Variants in ATF7IP observed in about 807,000 individuals in gnomAD.
ATF7IP encodes the protein activating transcription factor 7-interacting protein 1.
In ATF7IP, 23 loss-of-function variants were observed where a neutral mutation model predicts 106.4. The observed-to-expected ratio is 0.22, with a 90% CI of 0.16 to 0.31. ATF7IP has a LOEUF of 0.31. Ranked by LOEUF, ATF7IP falls within the 10% of genes least tolerant of loss-of-function variation. The pLI is 1.00. For missense variants in ATF7IP, 1,334 were observed against 1,524.3 expected, an observed-to-expected ratio of 0.88 and a Z score of 2.08; for synonymous variants, 542 against 539.0, an observed-to-expected ratio of 1.01 and a Z score of -0.08.
chr12:14,435,375 CACAT>C (rs1276206012), intron 3 of ATF7IP, among the ~76,000 whole-genome samples: 5 of 152,038 alleles, frequency 3.3e-5, no homozygotes, highest in East Asian at 1.9e-4. Flanking sequence ...TAGATACAGA[CACAT>C]ACAGAGGGAT....
At chr12:14,456,466 T>G (rs904318408) in intron 6 of ATF7IP, 95 bp from the exon 7 acceptor site, 1 of 764,614 alleles carries the variant, frequency 1.3e-6, no homozygotes. Flanking sequence ...CAGTGACAGA[T>G]AATATATTGA....
intron 1 of ATF7IP, among the ~76,000 whole-genome samples, chr12:14,405,348 G>A (rs187636188): frequency 4.0e-3 from 595 of 149,196 alleles, no homozygotes; most frequent in Non-Finnish European, 6.1e-3. Flanking sequence ...GTACAAAGAG[G>A]AATTTGAATT....
At chr12:14,483,211 C>T (rs1198139820) in intron 13 of ATF7IP, among the ~76,000 whole-genome samples, 3 of 152,154 alleles carry the variant, frequency 2.0e-5, no homozygotes, top group Non-Finnish European at 4.4e-5. Context: ...TGACCCAAAC[C>T]TTCATTCTTG....
intron 1 of ATF7IP, among the ~76,000 whole-genome samples, chr12:14,391,100 G>A (rs1170130972): frequency 6.6e-6 from 1 of 152,224 alleles, no homozygotes; most frequent in East Asian, 1.9e-4. Context: ...AAAGCCTAAT[G>A]TCTATTCAAA....
At chr12:14,493,929 A>G (rs572442564) in intron 13 of ATF7IP, among the ~76,000 whole-genome samples, 103 of 151,766 alleles carry the variant, frequency 6.8e-4, no homozygotes, top group African/African-American at 2.4e-3. Context: ...CACTTTTTCC[A>G]CTGCACTTAG....
chr12:14,446,923 T>C, intron 5 of ATF7IP, 65 bp from the exon 6 acceptor site: 1 of 1,198,020 alleles, frequency 8.3e-7, no homozygotes, highest in Non-Finnish European at 1.1e-6. Context: ...TATTCATGGT[T>C]TTTTTTTTTA....
At chr12:14,494,330 T>TAC (rs1944934776) in intron 13 of ATF7IP, among the ~76,000 whole-genome samples, 1 of 115,020 alleles carries the variant, frequency 8.7e-6, no homozygotes. Context: ...TATATATATA[T>TAC]ATATGTGTGT....
At chr12:14,385,559 A>G (rs1307442559) in intron 1 of ATF7IP, among the ~76,000 whole-genome samples, 1 of 152,198 alleles carries the variant, frequency 6.6e-6, no homozygotes, top group Non-Finnish European at 1.5e-5. Flanking sequence ...GAAACAGTAC[A>G]TAGCATGGTG....
intron 9 of ATF7IP, among the ~76,000 whole-genome samples, chr12:14,462,176 AGT>A (rs148834002): frequency 4.9e-4 from 75 of 152,220 alleles, no homozygotes; most frequent in African/African-American, 1.7e-3. Context: ...TTTATATGAA[AGT>A]GTAATTATTA....
At chr12:14,473,288 C>CTGTATGTGTGTGTGTGTGTGTG (rs796814505) in intron 10 of ATF7IP, among the ~76,000 whole-genome samples, 2 of 140,350 alleles carry the variant, frequency 1.4e-5, no homozygotes, top group Non-Finnish European at 3.1e-5. Context: ...CTCTCTCTCT[C>CTGTATGTGTGTGTGTGTGTGTG]TCTGTGTGTG....
chr12:14,478,199 C>T, intron 11 of ATF7IP, 118 bp from the exon 12 acceptor site: 2 of 892,732 alleles, frequency 2.2e-6, no homozygotes, highest in Admixed American at 2.2e-5. Flanking sequence ...AAATTATTCT[C>T]TTAGAGGTAA....
At position 14,478,796 on chromosome 12, in the gene ATF7IP, C is replaced by T. The variant is rs566070975; in HGVS notation, c.3097+324C>T. ...TATTTAGAAACTGTAAACCATATTC[C>T]TAGTTATTCTGCAGTGTTAACAGGT... On this transcript the variant is annotated intron_variant, in intron 12 of 14. Coordinates refer to ENST00000261168, the MANE Select transcript of ATF7IP (RefSeq NM_018179.5). Among the ~76,000 whole-genome samples, 13 of 152,092 alleles carry T rather than the reference C, an allele frequency of 8.5e-5. No individual in the cohort carries two copies. The South Asian group carries it at 2.5e-3, about 29-fold the overall frequency.
Position 14,476,146 on chromosome 12 carries a change from C to T in ATF7IP, c.2941+178C>T. ...AAATTTGGCCAGGTGCAGTGTCTCACACCTGTAATCCCAGTGCTTTGGGAG... is the reference window on the plus strand; with the variant it reads ...AAATTTGGCCAGGTGCAGTGTCTCATACCTGTAATCCCAGTGCTTTGGGAG... On this transcript the variant is annotated intron_variant, in intron 11 of 14. Coordinates refer to ENST00000261168, the MANE Select transcript of ATF7IP (RefSeq NM_018179.5). 9.5e-6 allele frequency: 5 copies of T among 526,542 alleles called. No homozygotes were observed. The Admixed American group carries it at 1.4e-4, about 14-fold the overall frequency. The allele number at this position is 526,542 out of a possible 1,614,324, so 32.6% of individuals were successfully genotyped here.
intron 9 of ATF7IP, chr12:14,466,057 CAAAG>C (rs1016083183): frequency 4.6e-5 from 7 of 152,416 alleles, no homozygotes; most frequent in African/African-American, 1.7e-4. Context: ...GAAAAATGAA[CAAAG>C]AAAGAAAAAT....
chr12:14,442,046 C>A (rs546078806), intron 5 of ATF7IP, among the ~76,000 whole-genome samples: 2 of 152,126 alleles, frequency 1.3e-5, no homozygotes, highest in African/African-American at 4.8e-5. Context: ...GGAAAAACTT[C>A]TGCAATTTTA....
intron 5 of ATF7IP, among the ~76,000 whole-genome samples, chr12:14,442,772 A>G (rs1942770400): frequency 6.6e-6 from 1 of 152,222 alleles, no homozygotes; most frequent in Admixed American, 6.5e-5. Context: ...CTGCACAAGG[A>G]TTAGAAAAGG....
intron 1 of ATF7IP, among the ~76,000 whole-genome samples, chr12:14,374,767 A>G (rs1938666543): frequency 6.6e-6 from 1 of 152,170 alleles, no homozygotes; most frequent in East Asian, 1.9e-4. Context: ...TTTTGTGAAT[A>G]AAAGTCATAG....
intron 1 of ATF7IP, among the ~76,000 whole-genome samples, chr12:14,421,328 T>A (rs1565495490): frequency 6.6e-6 from 1 of 152,186 alleles, no homozygotes; most frequent in Non-Finnish European, 1.5e-5. Context: ...TTAAATAGCT[T>A]GATTTGTTTT....
intron 10 of ATF7IP, among the ~76,000 whole-genome samples, chr12:14,470,645 A>G (rs574482286): frequency 9.8e-5 from 15 of 152,364 alleles, no homozygotes; most frequent in African/African-American, 3.4e-4. Context: ...AAGTAGAGCT[A>G]GAGCTAGTAC....
Sources: allele counts gnomAD v4.1 joint callset (sites outside exome capture counted in the v4.1 genomes callset), GRCh38; gene constraint gnomAD v4.1.1; transcripts MANE v1.5; gene names NCBI Gene and HGNC (gene_info 2026-07-23, HGNC 2026-07-21).